The following ACYP2 variants were observed in gnomAD, a reference collection of about 807,000 sequenced individuals.
ACYP2 encodes acylphosphatase 2, also known as acylphosphatase-2.
In ACYP2, 12 loss-of-function variants were observed where a neutral mutation model predicts 11.2. That is an observed-to-expected ratio of 1.08 (90% CI 0.69 to 1.74). The LOEUF is 1.74. ACYP2 is among the 40% of genes most tolerant of loss of function. The probability of loss-of-function intolerance (pLI) is 0.00; values close to 1 mark genes in which losing one functional copy is unlikely to be tolerated. For synonymous variants in ACYP2, 43 were observed against 32.2 expected (o/e 1.33, Z -1.13); for missense variants, 134 against 101.9 (o/e 1.31, Z -1.35).
intron 4 of ACYP2, among the ~76,000 whole-genome samples, chr2:54,071,172 A>G (rs1677021453): frequency 6.6e-6 from 1 of 152,230 alleles, no homozygotes; most frequent in Non-Finnish European, 1.5e-5. Context: ...AAACCCACAG[A>G]TAACATCACG....
At chr2:54,059,178 C>A (rs534455590) in intron 4 of ACYP2, among the ~76,000 whole-genome samples, 3 of 152,080 alleles carry the variant, frequency 2.0e-5, no homozygotes, top group Non-Finnish European at 4.4e-5. Context: ...AATTGCCTAG[C>A]TTTCCATCTT....
At chr2:54,147,674 A>G (rs1435914975) in intron 6 of ACYP2, among the ~76,000 whole-genome samples, 1 of 151,996 alleles carries the variant, frequency 6.6e-6, no homozygotes, top group Non-Finnish European at 1.5e-5. Flanking sequence ...GCAGGTGTGC[A>G]CCACCATACC....
At chr2:53,999,780 A>C (rs1179909845) in intron 2 of ACYP2, among the ~76,000 whole-genome samples, 1 of 152,198 alleles carries the variant, frequency 6.6e-6, no homozygotes, top group African/African-American at 2.4e-5. Context: ...CACCATTAAA[A>C]TACTTTAATA....
chr2:54,298,319 A>C (rs1689598053), intron 6 of ACYP2, among the ~76,000 whole-genome samples: 1 of 146,912 alleles, frequency 6.8e-6, no homozygotes, highest in Admixed American at 7.0e-5. Flanking sequence ...TAAGGCAATC[A>C]CATAATTCCA....
At chr2:54,252,374 CAT>C (rs925215079) in intron 6 of ACYP2, among the ~76,000 whole-genome samples, 30 of 152,046 alleles carry the variant, frequency 2.0e-4, no homozygotes, top group African/African-American at 7.0e-4. Flanking sequence ...ATACTTTATG[CAT>C]GTCTTTGAGT....
chr2:54,109,676 G>A (rs1243964767), intron 4 of ACYP2, among the ~76,000 whole-genome samples: 4 of 152,016 alleles, frequency 2.6e-5, no homozygotes, highest in African/African-American at 9.7e-5. Flanking sequence ...ACATATAATA[G>A]GATACTAAAA....
At chr2:54,214,588 CA>C (rs1685481101) in intron 6 of ACYP2, among the ~76,000 whole-genome samples, 1 of 152,180 alleles carries the variant, frequency 6.6e-6, no homozygotes. Context: ...TAATCTGTTT[CA>C]TTGGTCTATG....
chr2:54,095,136 G>A (rs1235670064), intron 4 of ACYP2, among the ~76,000 whole-genome samples: 1 of 151,892 alleles, frequency 6.6e-6, no homozygotes, highest in Non-Finnish European at 1.5e-5. Context: ...AGCACATCTT[G>A]CACCGCCCTT....
intron 2 of ACYP2, among the ~76,000 whole-genome samples, chr2:54,029,364 T>C (rs566792484): frequency 6.8e-6 from 1 of 146,734 alleles, no homozygotes; most frequent in Non-Finnish European, 1.5e-5. Flanking sequence ...AGGTCATATT[T>C]ACCAGGTTTC....
intron 2 of ACYP2, among the ~76,000 whole-genome samples, chr2:54,045,575 G>A (rs1159327111): frequency 6.6e-6 from 1 of 152,142 alleles, no homozygotes; most frequent in African/African-American, 2.4e-5. Flanking sequence ...CCAGCACTTT[G>A]GGAGGCCGAG....
At chr2:54,289,953 T>C (rs1689229718) in intron 6 of ACYP2, among the ~76,000 whole-genome samples, 1 of 152,038 alleles carries the variant, frequency 6.6e-6, no homozygotes, top group African/African-American at 2.4e-5. Context: ...ACAGTCGTCT[T>C]TCCATTAAAA....
chr2:54,029,559 G>C (rs1326382220), intron 2 of ACYP2: 1 of 398,022 alleles, frequency 2.5e-6, no homozygotes, highest in African/African-American at 2.1e-5. Context: ...GTCTTCTCTG[G>C]GTGGAGCTGA....
intron 6 of ACYP2, among the ~76,000 whole-genome samples, chr2:54,219,681 C>T (rs995628652): frequency 2.6e-5 from 4 of 151,794 alleles, no homozygotes; most frequent in South Asian, 2.1e-4. Context: ...TGCAGTGAGG[C>T]GATCTCAGCT....
chr2:54,179,828 G>C (rs1384219242), intron 6 of ACYP2, among the ~76,000 whole-genome samples: 1 of 152,130 alleles, frequency 6.6e-6, no homozygotes, highest in Non-Finnish European at 1.5e-5. Context: ...TTAACTGTCG[G>C]GGAATGCAGC....
chr2:54,225,854 C>G (rs1346791625), intron 6 of ACYP2, among the ~76,000 whole-genome samples: 4 of 151,856 alleles, frequency 2.6e-5, no homozygotes, highest in Non-Finnish European at 5.9e-5. Context: ...TATACAACAA[C>G]AGGGATGGAG....
At chr2:54,263,777 C>T (rs1687885594) in intron 6 of ACYP2, among the ~76,000 whole-genome samples, 1 of 152,160 alleles carries the variant, frequency 6.6e-6, no homozygotes, top group African/African-American at 2.4e-5. Context: ...ACTGGATAAT[C>T]ATAGTAAAAT....
intron 2 of ACYP2, among the ~76,000 whole-genome samples, chr2:53,991,815 A>G (rs546263054): frequency 9.2e-5 from 14 of 151,980 alleles, no homozygotes; most frequent in Admixed American, 9.2e-4. Context: ...TTTAGCGATG[A>G]GGGCTAAGTA....
At chr2:54,138,564 A>T (rs1681404161) in intron 5 of ACYP2, 75 bp from the exon 3 acceptor site, 3 of 1,146,440 alleles carry the variant, frequency 2.6e-6, no homozygotes, top group Admixed American at 2.6e-5. Flanking sequence ...CATTTTTTGG[A>T]TATTAGAATC....
In ACYP2 at chr2:54,159,173, T is replaced by TA. The variant is rs3832035; in HGVS notation, c.404+20438dup. Among the ~76,000 whole-genome samples the TA allele has an allele frequency of 1.3e-3, 192 of 145,858 alleles. 1 individual carries two copies. The highest frequency in any genetic ancestry group is 2.4e-3 in the African/African-American group (96 of 39,820). On this transcript the variant is annotated intron_variant, in intron 6 of 6. Transcript: ENST00000607452. ...TGCTAAAGTCAAGCTCCCTGGGCTT[T>TA]AAAAAAAAAAAAATCCTCAAAAATC...
Sources: allele counts gnomAD v4.1 joint callset (sites outside exome capture counted in the v4.1 genomes callset), GRCh38; gene constraint gnomAD v4.1.1; transcripts MANE v1.5; gene names NCBI Gene and HGNC (gene_info 2026-07-23, HGNC 2026-07-21).